The following ACAD10 variants were observed in gnomAD, a reference collection of about 807,000 sequenced individuals.
ACAD10 encodes acyl-CoA dehydrogenase family member 10.
ACAD10 carries 112 observed loss-of-function variants against 116.8 expected under a neutral mutation model. That is an observed-to-expected ratio of 0.96 (90% CI 0.82 to 1.12). The LOEUF is 1.12. ACAD10 is among the 50% of genes most tolerant of loss of function. The pLI is 0.00. For synonymous variants in ACAD10, 486 were observed against 510.6 expected (o/e 0.95, Z 0.65); for missense variants, 1,259 against 1,350.2 (o/e 0.93, Z 1.06).
rs764340287 is a variant in ACAD10, at chr12:111,755,700, G to A, written c.2994G>A (p.Met998Ile). 1.5e-5 allele frequency: 24 copies of A among 1,613,684 alleles called. No homozygotes were observed. The highest frequency in any genetic ancestry group is 1.7e-6 in the Non-Finnish European group (2 of 1,179,934). Residue 998 changes from methionine (M) to isoleucine (I), a missense_variant, in exon 20 of 21, where the codon ATG (methionine) becomes ATA (isoleucine). Physicochemically the swap from Met to Ile is conservative, Grantham distance 10. Transcript: ENST00000313698. The part of the protein sequence containing the change: ...AAALDIAMIK[M>I]VAPSMASRVI... Reference sequence around the variant, plus strand: ...CCTTGGATATAGCCATGATTAAAATGGTCGCCCCGTCCATGGCCTCCCGAG... The same window carrying A: ...CCTTGGATATAGCCATGATTAAAATAGTCGCCCCGTCCATGGCCTCCCGAG...
chr12:111,733,943 A>G lies in ACAD10; in HGVS notation c.1415A>G (p.His472Arg). The G allele has an allele frequency of 6.2e-7, 1 of 1,614,204 alleles. No individual in the cohort carries two copies. The highest frequency in any genetic ancestry group is 8.5e-7 in the Non-Finnish European group (1 of 1,180,040). ...TTCAGGCTCGACAACCTGGTGTTTC[A>G]TCCAGAAGAGCCAGAGGTGCTTGCT... ...GDFRLDNLVF[H>R]PEEPEVLAVL... Residue 472 changes from histidine to arginine, a missense_variant, in exon 11 of 21, where the codon CAT becomes CGT. Transcript: ENST00000313698.
intron 7 of ACAD10, 101 bp from the exon 8 acceptor site, chr12:111,721,570 A>T: frequency 8.3e-7 from 1 of 1,209,164 alleles, no homozygotes; most frequent in African/African-American, 1.5e-5. Flanking sequence ...TGTGTCTCAA[A>T]AAACAAAACA....
chr12:111,692,085 C>T (rs1006143909), intron 1 of ACAD10, among the ~76,000 whole-genome samples: 1 of 152,198 alleles, frequency 6.6e-6, no homozygotes, highest in African/African-American at 2.4e-5. Flanking sequence ...TCTCCTGCCT[C>T]AGCCTCCTGA....
chr12:111,687,228 A>G (rs1887893132), intron 1 of ACAD10, among the ~76,000 whole-genome samples: 1 of 152,210 alleles, frequency 6.6e-6, no homozygotes. Flanking sequence ...GGACTATGAC[A>G]TGACCACAAG....
intron 18 of ACAD10, 107 bp from the exon 19 acceptor site, chr12:111,753,665 G>A (rs746011357): frequency 1.0e-4 from 149 of 1,463,930 alleles, no homozygotes; most frequent in Middle Eastern, 1.7e-4. Flanking sequence ...CTCCTCCCCT[G>A]CCCTGTCCTG....
chr12:111,728,645 C>T (rs1889295869), intron 9 of ACAD10, among the ~76,000 whole-genome samples: 5 of 152,050 alleles, frequency 3.3e-5, no homozygotes, highest in Admixed American at 3.3e-4. Context: ...GTAGTTGGGA[C>T]TCTGGGCATG....
rs370370896 is a variant in ACAD10, at chr12:111,746,173, C to A, written c.2145C>A (p.Asn715Lys). 56 of 1,613,752 alleles carry A rather than the reference C, an allele frequency of 3.5e-5. No homozygotes were observed. Among genetic ancestry groups the A allele is most frequent in the Non-Finnish European group, 4.3e-5 (51 of 1,179,982 alleles). Residue 715 changes from asparagine to lysine, a missense_variant, in exon 14 of 21, where the codon AAC (asparagine) becomes AAA (lysine). Physicochemically the swap from Asn to Lys is moderately conservative, Grantham distance 94. Coordinates refer to ENST00000313698, the MANE Select transcript of ACAD10 (RefSeq NM_025247.6). ...KEKAKAEGLW[N>K]LFLPLEADPE... Reference sequence around the variant, plus strand: ...AAGCCAAAGCTGAAGGACTTTGGAACCTTTTCCTACCCTTAGAGGCTGATC... The same window carrying A: ...AAGCCAAAGCTGAAGGACTTTGGAAACTTTTCCTACCCTTAGAGGCTGATC...
At chr12:111,701,280 A>T (rs940383058) in intron 2 of ACAD10, among the ~76,000 whole-genome samples, 1 of 152,214 alleles carries the variant, frequency 6.6e-6, no homozygotes. Flanking sequence ...GGATGAGGAG[A>T]AACAGTCCTT....
intron 2 of ACAD10, among the ~76,000 whole-genome samples, chr12:111,698,648 T>C (rs1490372020): frequency 6.6e-6 from 1 of 151,796 alleles, no homozygotes; most frequent in Non-Finnish European, 1.5e-5. Flanking sequence ...TGGCTAATTT[T>C]GTATTTTTAG....
chr12:111,754,853 C>T (rs1329949111), intron 19 of ACAD10, among the ~76,000 whole-genome samples: 4 of 152,214 alleles, frequency 2.6e-5, no homozygotes, highest in South Asian at 2.1e-4. Flanking sequence ...CTGTGTTCCC[C>T]GTCATCTGGG....
rs1216987669 is a variant in ACAD10 at position 111,692,836 on chromosome 12, A to G, written c.127A>G (p.Arg43Gly). Reference sequence around the variant, plus strand: ...GACACACCTTGGAGGCAGCACCTACAGAGCGGTGATTTTCGACATGGGCGG... The same window carrying G: ...GACACACCTTGGAGGCAGCACCTACGGAGCGGTGATTTTCGACATGGGCGG... ...RWTHLGGSTY[R>G]AVIFDMGGVL... The change falls in exon 2 of 21, where the codon AGA becomes GGA. Residue 43 changes from arginine to glycine, a missense_variant. Coordinates refer to ENST00000313698, the MANE Select transcript of ACAD10 (RefSeq NM_025247.6). The G allele has an allele frequency of 8.1e-6, 13 of 1,614,224 alleles. No individual in the cohort carries two copies. Among genetic ancestry groups the G allele is most frequent in the Non-Finnish European group, 1.1e-5 (13 of 1,180,044 alleles).
In ACAD10 at chr12:111,744,814, G is replaced by A. The variant is rs1019337858; in HGVS notation, c.1886G>A (p.Cys629Tyr). Reference protein sequence around the residue: ...HTWARPQSQWCPTGSRSYSSV... With the variant: ...HTWARPQSQWYPTGSRSYSSV... Reference sequence around the variant, plus strand: ...TGGGCCAGGCCCCAGTCCCAGTGGTGCCCCACAGGCAGCAGGAGTTATAGC... The same window carrying A: ...TGGGCCAGGCCCCAGTCCCAGTGGTACCCCACAGGCAGCAGGAGTTATAGC... Residue 629 changes from cysteine to tyrosine, a missense_variant, in exon 13 of 21, where the codon TGC (cysteine) becomes TAC (tyrosine). By Grantham distance (194) the Cys-to-Tyr change is radical. Coordinates refer to ENST00000313698, the MANE Select transcript of ACAD10 (RefSeq NM_025247.6). 2 of 1,614,080 alleles carry A rather than the reference G, an allele frequency of 1.2e-6. No homozygotes were observed. The highest frequency in any genetic ancestry group is 1.7e-6 in the Non-Finnish European group (2 of 1,180,048).
rs754393019 is a variant in ACAD10 at position 111,729,972 on chromosome 12, G to A, written c.1394+16G>A. 6 of 1,610,938 alleles carry A rather than the reference G, an allele frequency of 3.7e-6. No homozygotes were observed. The Admixed American group carries it at 8.4e-5, about 23-fold the overall frequency. ...GGGACTTCAGGTAGATGTGGTGGCA[G>A]GGAGAGCTGAAAAATGACAGCAAGG... On this transcript the variant is annotated intron_variant, in intron 10 of 20. Coordinates refer to ENST00000313698, the MANE Select transcript of ACAD10 (RefSeq NM_025247.6).
chr12:111,711,041 C>T (rs1888663875), intron 5 of ACAD10, among the ~76,000 whole-genome samples: 1 of 152,174 alleles, frequency 6.6e-6, no homozygotes, highest in African/African-American at 2.4e-5. Flanking sequence ...GAAGGCCTTC[C>T]TCAGAGTACT....
At chr12:111,748,612 C>T (rs2135991459) in intron 17 of ACAD10, 137 bp downstream of exon 17, 1 of 935,310 alleles carries the variant, frequency 1.1e-6, no homozygotes, top group Non-Finnish European at 1.6e-6. Context: ...TCACATGCTC[C>T]TGCATTTCAT....
intron 8 of ACAD10, among the ~76,000 whole-genome samples, chr12:111,723,111 C>T (rs1889074632): frequency 2.1e-5 from 3 of 146,076 alleles, no homozygotes; most frequent in Non-Finnish European, 3.0e-5. Context: ...GCGCCCCTCA[C>T]CTCCCAGACG....
intron 1 of ACAD10, among the ~76,000 whole-genome samples, chr12:111,687,353 T>C (rs1236394301): frequency 6.6e-6 from 1 of 152,160 alleles, no homozygotes; most frequent in Non-Finnish European, 1.5e-5. Context: ...CTGATTATTC[T>C]TTTTTGTTTT....
chr12:111,699,302 G>A (rs896808769), intron 2 of ACAD10, among the ~76,000 whole-genome samples: 1 of 152,104 alleles, frequency 6.6e-6, no homozygotes, highest in African/African-American at 2.4e-5. Flanking sequence ...ATTCCATATT[G>A]AAACCTAGTT....
At chr12:111,753,533 C>A (rs763048268) in intron 18 of ACAD10, 1 of 700,162 alleles carries the variant, frequency 1.4e-6, no homozygotes, top group Admixed American at 2.0e-5. Context: ...GTTACAGGCA[C>A]CCTGTGGGCT....
Sources: allele counts gnomAD v4.1 joint callset (sites outside exome capture counted in the v4.1 genomes callset), GRCh38; gene constraint gnomAD v4.1.1; transcripts MANE v1.5; gene names NCBI Gene and HGNC (gene_info 2026-07-23, HGNC 2026-07-21).